DPYD: variants seen among roughly 807,000 people sequenced by gnomAD.
DPYD encodes the protein dihydropyrimidine dehydrogenase, also known as dihydropyrimidine dehydrogenase [NADP(+)].
Under a neutral mutation model 116.2 loss-of-function variants are expected in DPYD, and 109 were observed. That is an observed-to-expected ratio of 0.94 (90% CI 0.80 to 1.10). DPYD has a LOEUF of 1.10. DPYD is among the 50% of genes least tolerant of loss of function. The pLI, the probability that DPYD is intolerant of heterozygous loss-of-function variation, is 0.00. For synonymous variants in DPYD, 440 were observed against 432.0 expected, an observed-to-expected ratio of 1.02 and a Z score of -0.23; for missense variants, 1,302 against 1,254.5, an observed-to-expected ratio of 1.04 and a Z score of -0.57.
intron 18 of DPYD, among the ~76,000 whole-genome samples, chr1:97,282,907 T>C (rs1181431781): frequency 6.6e-6 from 1 of 152,156 alleles, no homozygotes. Flanking sequence ...CACTTTCATA[T>C]GCTGTGTAGT....
intron 12 of DPYD, among the ~76,000 whole-genome samples, chr1:97,528,065 G>C (rs922944099): frequency 1.3e-5 from 2 of 152,142 alleles, no homozygotes; most frequent in Non-Finnish European, 2.9e-5. Flanking sequence ...CTTGTGGCTA[G>C]ATTAATTCAC....
At chr1:97,415,687 G>A (rs894772976) in intron 14 of DPYD, among the ~76,000 whole-genome samples, 3 of 152,154 alleles carry the variant, frequency 2.0e-5, no homozygotes, top group East Asian at 1.9e-4. Context: ...AGATACTTAT[G>A]AGGAATGTGG....
In DPYD at chr1:97,491,551, G is replaced by A. The variant is rs187897034; in HGVS notation, c.1740+24175C>T. On this transcript the variant is annotated intron_variant, in intron 13 of 22. Coordinates refer to ENST00000370192, the MANE Select transcript of DPYD (RefSeq NM_000110.4). Reference sequence around the variant, plus strand: ...ATCTTTAATGAAACAGAGTTGTGTAGCAGAAAAGCACTGGCTCTGCAATTA... The same window carrying A: ...ATCTTTAATGAAACAGAGTTGTGTAACAGAAAAGCACTGGCTCTGCAATTA... Among the ~76,000 whole-genome samples, 279 of 152,116 alleles carry A rather than the reference G, an allele frequency of 1.8e-3. 3 individuals carry two copies. Among genetic ancestry groups the A allele is most frequent in the Admixed American group, 0.015 (224 of 15,276 alleles).
intron 16 of DPYD, among the ~76,000 whole-genome samples, chr1:97,315,956 C>T (rs1176804865): frequency 2.0e-5 from 3 of 151,976 alleles, no homozygotes; most frequent in African/African-American, 7.2e-5. Flanking sequence ...TCAGAGACAT[C>T]CTTAAAGAGT....
At chr1:97,640,903 G>A (rs1657853253) in intron 8 of DPYD, among the ~76,000 whole-genome samples, 1 of 152,170 alleles carries the variant, frequency 6.6e-6, no homozygotes, top group Admixed American at 6.6e-5. Flanking sequence ...GAGGCACCAA[G>A]ATATGACATT....
intron 14 of DPYD, among the ~76,000 whole-genome samples, chr1:97,407,951 GAGTTAT>G (rs1270895360): frequency 6.6e-6 from 1 of 152,116 alleles, no homozygotes; most frequent in Non-Finnish European, 1.5e-5. Context: ...TCTAAGAAAG[GAGTTAT>G]AGTGTTGGCT....
rs72965889 is a variant in DPYD, at chr1:97,178,002, T to C, written c.2622+15067A>G. 9.6e-3 allele frequency among the ~76,000 whole-genome samples: 1,465 copies of C among 152,220 alleles called. 14 individuals are homozygous for C. The highest frequency in any genetic ancestry group is 0.033 in the African/African-American group (1,361 of 41,540). ...GGGGTCCCTTTTATAAGGACGCTAA[T>C]TTTATTGCCTTCCAAAGGCCCCACC... On this transcript the variant is annotated intron_variant, in intron 20 of 22. Transcript: ENST00000370192.
chr1:97,167,171 G>C (rs1656386246), intron 20 of DPYD, among the ~76,000 whole-genome samples: 1 of 152,072 alleles, frequency 6.6e-6, no homozygotes, highest in East Asian at 1.9e-4. Flanking sequence ...CCCATTAAAA[G>C]TGTACATTTT....
intron 20 of DPYD, among the ~76,000 whole-genome samples, chr1:97,147,984 G>A (rs1654751966): frequency 2.0e-5 from 3 of 152,122 alleles, no homozygotes; most frequent in African/African-American, 7.2e-5. Flanking sequence ...TAGAGGCACA[G>A]GTTTGAGAAG....
At chr1:97,388,775 C>T (rs1423235236) in intron 14 of DPYD, among the ~76,000 whole-genome samples, 1 of 151,992 alleles carries the variant, frequency 6.6e-6, no homozygotes, top group Non-Finnish European at 1.5e-5. Flanking sequence ...TACAAGATCA[C>T]GGGAGGACTA....
intron 11 of DPYD, among the ~76,000 whole-genome samples, chr1:97,557,158 T>G (rs1449629908): frequency 6.6e-6 from 1 of 151,840 alleles, no homozygotes; most frequent in Non-Finnish European, 1.5e-5. Context: ...TGTCTTCTTT[T>G]GAGAAGTGTC....
chr1:97,484,567 G>C (rs1678512963), intron 13 of DPYD, among the ~76,000 whole-genome samples: 1 of 152,006 alleles, frequency 6.6e-6, no homozygotes, highest in African/African-American at 2.4e-5. Context: ...ATTTTATATT[G>C]TTGGAAATTC....
At chr1:97,859,880 T>A (rs1388353006) in intron 2 of DPYD, among the ~76,000 whole-genome samples, 1 of 152,186 alleles carries the variant, frequency 6.6e-6, no homozygotes, top group African/African-American at 2.4e-5. Context: ...AATTTAATAA[T>A]TTTTCCTCAG....
At chr1:97,717,695 T>C (rs749087911) in intron 5 of DPYD, among the ~76,000 whole-genome samples, 1 of 152,072 alleles carries the variant, frequency 6.6e-6, no homozygotes, top group African/African-American at 2.4e-5. Context: ...GAACATATGA[T>C]GTTTGGCTTC....
intron 3 of DPYD, among the ~76,000 whole-genome samples, chr1:97,740,722 G>T (rs1664219009): frequency 6.6e-6 from 1 of 152,040 alleles, no homozygotes; most frequent in Admixed American, 6.6e-5. Context: ...GTTCCTTCTT[G>T]ATTTTAAGAG....
At chr1:97,676,666 T>C (rs965667960) in intron 8 of DPYD, among the ~76,000 whole-genome samples, 4 of 152,122 alleles carry the variant, frequency 2.6e-5, no homozygotes, top group Non-Finnish European at 4.4e-5. Context: ...GCAAGGTTAA[T>C]GAACAAAAAC....
intron 18 of DPYD, among the ~76,000 whole-genome samples, chr1:97,255,935 C>T (rs1158084471): frequency 6.6e-6 from 1 of 152,026 alleles, no homozygotes; most frequent in Non-Finnish European, 1.5e-5. Context: ...CATTTTCGGG[C>T]AGGGCTAGCC....
intron 8 of DPYD, among the ~76,000 whole-genome samples, chr1:97,613,201 T>C (rs1043700873): frequency 1.3e-5 from 2 of 151,998 alleles, no homozygotes; most frequent in African/African-American, 4.8e-5. Context: ...GTTATCTAAA[T>C]TTGTTTAAAT....
At chr1:97,803,641 C>T (rs1478412631) in intron 3 of DPYD, among the ~76,000 whole-genome samples, 1 of 151,798 alleles carries the variant, frequency 6.6e-6, no homozygotes, top group East Asian at 1.9e-4. Context: ...AAAAGATTAA[C>T]AGCATATATT....
Sources: gnomAD v4.1 joint callset for allele counts (sites outside exome capture counted in the v4.1 genomes callset) on GRCh38, gnomAD v4.1.1 for gene constraint, MANE v1.5 for transcripts, NCBI Gene and HGNC (gene_info 2026-07-23, HGNC 2026-07-21) for gene names.